SPEG: variants seen among roughly 807,000 people sequenced by gnomAD.
SPEG encodes the protein striated muscle enriched protein kinase.
A neutral mutation model predicts 300.4 loss-of-function variants in SPEG; 114 were observed. The ratio of observed to expected loss-of-function variants is 0.38; its 90% CI spans 0.33 to 0.44. The LOEUF (loss-of-function observed/expected upper bound fraction) is 0.44, where lower values mean the gene tolerates loss of function less well. Ranked by LOEUF, SPEG falls within the 20% of genes least tolerant of loss-of-function variation. The pLI is 1.00. For missense variants in SPEG, 4,201 were observed against 4,586.2 expected (o/e 0.92, Z 2.43); for synonymous variants, 1,964 against 2,018.9 (o/e 0.97, Z 0.73).
chr2:219,477,837 G>C lies in SPEG; in HGVS notation c.4826+52G>C. On this transcript the variant is annotated intron_variant, in intron 21 of 40. Transcript: ENST00000312358. The surrounding 1 kb of genome is among the most constrained non-coding windows in gnomAD (Gnocchi z 6.4). ...GGGGCCGAGAGAGGCTGCTGGGTCTGAGGGTTGGGAGGGGTGGAGAGGGCC... is the reference window on the plus strand; with the variant it reads ...GGGGCCGAGAGAGGCTGCTGGGTCTCAGGGTTGGGAGGGGTGGAGAGGGCC... 1 of 1,596,206 alleles carries C rather than the reference G, an allele frequency of 6.3e-7. No individual in the cohort carries two copies. Among genetic ancestry groups the C allele is most frequent in the Non-Finnish European group, 8.6e-7 (1 of 1,166,716 alleles).
In SPEG at chr2:219,451,643, G is replaced by A. The variant is rs763696475; in HGVS notation, c.2276G>A (p.Gly759Glu). The A allele has an allele frequency of 2.5e-6, 4 of 1,581,610 alleles. No homozygotes were observed. Among genetic ancestry groups the A allele is most frequent in the Middle Eastern group, 1.7e-4 (1 of 5,854 alleles). Residue 759 changes from glycine to glutamate, a missense_variant, in exon 6 of 41, where the codon GGG becomes GAG. Physicochemically the swap from Gly to Glu is moderately conservative, Grantham distance 98 (BLOSUM62 -2). This residue lies in a region of SPEG where 1,258 missense variants were observed against 1,293.9 expected (regional missense o/e 0.97). Transcript: ENST00000312358. This position sits in a 1 kb window ranked among gnomAD's most constrained non-coding sequence, Gnocchi z 6.4. ...CCCACAGTGTCCTGGCACAAGGATG[G>A]GTCAGCGCTGCGCAGCGAGGGCCGC... The part of the protein sequence containing the change: ...PPPQVSWHKD[G>E]SALRSEGRLL...
rs535811377 is a variant in SPEG at position 219,465,955 on chromosome 2, G to T, written c.2882-1219G>T. 1.9e-5 allele frequency: 19 copies of T among 983,258 alleles called. No homozygotes were observed. The East Asian group carries it at 4.6e-4, about 24-fold the overall frequency. The allele number at this position is 983,258 out of a possible 1,614,324, so 60.9% of individuals were successfully genotyped here. A position where few individuals can be genotyped will look rare whatever the true frequency, so the allele number is the denominator to read the frequency against. ...TGTGCGTGCACGTGTGCGTGCATGT[G>T]TGCGTGTGCATGCGTGTGTGTGCAT... On this transcript the variant is annotated intron_variant, in intron 9 of 40. Coordinates refer to ENST00000312358, the MANE Select transcript of SPEG (RefSeq NM_005876.5).
intron 38 of SPEG, 75 bp from the exon 39 acceptor site, chr2:219,491,719 C>A (rs1693988625): frequency 6.0e-6 from 7 of 1,164,052 alleles, no homozygotes; most frequent in Non-Finnish European, 8.8e-6. Flanking sequence ...GCTGCTCAAG[C>A]ACCCAGGGAC....
Position 219,473,499 on chromosome 2 carries a change from C to G in SPEG, c.4148-5C>G, listed in dbSNP as rs747861120. The G allele has an allele frequency of 1.2e-6, 2 of 1,613,784 alleles. No homozygotes were observed. Among genetic ancestry groups the G allele is most frequent in the South Asian group, 2.2e-5 (2 of 91,054 alleles). On this transcript the variant is annotated splice_polypyrimidine_tract_variant and splice_region_variant and intron_variant, in intron 16 of 40. Coordinates refer to ENST00000312358, the MANE Select transcript of SPEG (RefSeq NM_005876.5). The surrounding 1 kb of genome is among the most constrained non-coding windows in gnomAD (Gnocchi z 4.6). ...AGCACAGAGCCTGCGCTCTCCTCCT[C>G]CCAGGCCCAACCCTGGAGGAGGCCC...
intron 29 of SPEG, 31 bp from the exon 30 acceptor site, chr2:219,483,067 C>A (rs766468722): frequency 2.5e-6 from 4 of 1,586,250 alleles, no homozygotes; most frequent in Non-Finnish European, 2.6e-6. Flanking sequence ...CCAGGGGTCC[C>A]TCAGGTCTGA....
rs200200624 is a variant in SPEG at position 219,490,936 on chromosome 2, C to T, written c.9365C>T (p.Thr3122Met). Residue 3122 changes from threonine to methionine, a missense_variant, in exon 38 of 41, where the codon ACG becomes ATG. By Grantham distance (81) the Thr-to-Met change is moderately conservative. Coordinates refer to ENST00000312358, the MANE Select transcript of SPEG (RefSeq NM_005876.5). The stretch of plus-strand genomic sequence containing the variant: ...GCCCTTAGGCCCCTTGGCCACCGCA[C>T]GGGCACGCTGGAGTTCATGGGTGAG... ...PQALRPLGHR[T>M]GTLEFMAPEM... 71 of 1,612,868 alleles carry T rather than the reference C, an allele frequency of 4.4e-5. No homozygotes were observed. Among genetic ancestry groups the T allele is most frequent in the East Asian group, 1.8e-4 (8 of 44,900 alleles).
Position 219,473,856 on chromosome 2 carries a change from G to A in SPEG, c.4400G>A (p.Arg1467Gln), listed in dbSNP as rs181222936. Reference protein sequence around the residue: ...RDMGALTCTARNRHGTQTCSV... With the variant: ...RDMGALTCTAQNRHGTQTCSV... ...ATGGGGGCCCTCACCTGCACCGCCC[G>A]AAACCGTCACGGCACACAGACCTGC... Residue 1467 changes from arginine to glutamine, a missense_variant, in exon 18 of 41, where the codon CGA (arginine) becomes CAA (glutamine). Physicochemically the swap from Arg to Gln is conservative, Grantham distance 43. Around this residue, in one of 4 missense-constraint regions of SPEG, gnomAD observed 1,047 missense variants for 1,356.8 expected, o/e 0.77. Coordinates refer to ENST00000312358, the MANE Select transcript of SPEG (RefSeq NM_005876.5). This position sits in a 1 kb window ranked among gnomAD's most constrained non-coding sequence, Gnocchi z 4.6. 310 of 1,613,570 alleles carry A rather than the reference G, an allele frequency of 1.9e-4. 2 individuals carry two copies. The African/African-American group carries it at 3.8e-3, about 20-fold the overall frequency.
intron 34 of SPEG, 57 bp from the exon 35 acceptor site, chr2:219,488,997 G>A (rs988469187): frequency 5.0e-6 from 8 of 1,607,336 alleles, no homozygotes; most frequent in East Asian, 4.5e-5. Flanking sequence ...AGATAGCACC[G>A]TGGGAGCTGG....
At chr2:219,440,243 T>C (rs2125209319) in intron 1 of SPEG, among the ~76,000 whole-genome samples, 1 of 151,632 alleles carries the variant, frequency 6.6e-6, no homozygotes, top group Middle Eastern at 3.4e-3. Context: ...AAAAATTAGC[T>C]GGGCATGATG....
intron 39 of SPEG, 67 bp from the exon 40 acceptor site, chr2:219,492,044 A>C: frequency 6.5e-7 from 1 of 1,536,322 alleles, no homozygotes; most frequent in Non-Finnish European, 8.9e-7. Flanking sequence ...CCTGACACTA[A>C]TGTCCTTCTG....
intron 9 of SPEG, chr2:219,465,979 A>ATG (rs943030941): frequency 2.6e-5 from 32 of 1,244,724 alleles, no homozygotes; most frequent in African/African-American, 2.9e-5. Context: ...GTGTGTGTGC[A>ATG]TGTGTGTGTG....
Position 219,483,287 on chromosome 2 carries a change from G to T in SPEG, c.5824G>T (p.Glu1942Ter). Residue 1942 changes from glutamate to a stop codon, truncating the protein, a stop_gained, in exon 30 of 41, where the codon GAG becomes TAG. Coordinates refer to ENST00000312358, the MANE Select transcript of SPEG (RefSeq NM_005876.5). LOFTEE classifies it high-confidence loss of function. ...CTCAGTGCCCCGCCCACTGCAGCCCGAGTTCTCTGGCTCCCGGGTGTCCCT... is the reference window on the plus strand; with the variant it reads ...CTCAGTGCCCCGCCCACTGCAGCCCTAGTTCTCTGGCTCCCGGGTGTCCCT... ...LPSVPRPLQPEFSGSRVSLTD... is the reference protein window; with the variant it reads ...LPSVPRPLQP 6.2e-7 allele frequency: 1 copy of T among 1,606,858 alleles called. No individual in the cohort carries two copies. Among genetic ancestry groups the T allele is most frequent in the Non-Finnish European group, 8.5e-7 (1 of 1,176,776 alleles).
Position 219,481,226 on chromosome 2 carries a change from G to A in SPEG, c.5370-78G>A. The stretch of plus-strand genomic sequence containing the variant: ...CCTCACAACCCCAGAGCCTCCATCT[G>A]TCCCCAGCCCTGTGCCCCCACTGAC... On this transcript the variant is annotated intron_variant, in intron 26 of 40. Transcript: ENST00000312358. This position sits in a 1 kb window ranked among gnomAD's most constrained non-coding sequence, Gnocchi z 5.4. 1 of 1,479,672 alleles carries A rather than the reference G, an allele frequency of 6.8e-7. No homozygotes were observed. The highest frequency in any genetic ancestry group is 2.3e-5 in the East Asian group (1 of 44,108). 91.7% of individuals were successfully genotyped at this position (1,479,672 alleles called of 1,614,324 possible). A position where few individuals can be genotyped will look rare whatever the true frequency, so the allele number is the denominator to read the frequency against.
chr2:219,490,334 C>G, intron 36 of SPEG, 75 bp from the exon 37 acceptor site: 1 of 1,538,996 alleles, frequency 6.5e-7, no homozygotes, highest in Non-Finnish European at 8.8e-7. Flanking sequence ...CCCTGCTCTC[C>G]TCCGTTAGCC....
At position 219,468,902 on chromosome 2, in the gene SPEG, C is replaced by T. The variant is rs185911101; in HGVS notation, c.3345C>T (p.Asp1115=). The T allele has an allele frequency of 8.5e-5, 137 of 1,613,642 alleles. 1 individual carries two copies. In the African/African-American group the frequency reaches 1.3e-3, roughly 16 times the overall value. Residue 1115 remains aspartate, a synonymous_variant, in exon 12 of 41, where the codon GAC becomes GAT. Coordinates refer to ENST00000312358, the MANE Select transcript of SPEG (RefSeq NM_005876.5). ...EESENLRLRQ[D]GGLHSLHIAH... is the part of the protein sequence containing the mutation. ...GTGAGAACTTGCGGCTGCGGCAGGA[C>T]GGGGGTCTGCACTCACTGCACATTG...
chr2:219,479,611 C>T lies in SPEG; in HGVS notation c.5086-172C>T, dbSNP rs1478765897. On this transcript the variant is annotated intron_variant, in intron 23 of 40. Coordinates refer to ENST00000312358, the MANE Select transcript of SPEG (RefSeq NM_005876.5). The surrounding 1 kb of genome is among the most constrained non-coding windows in gnomAD (Gnocchi z 5.5). ...GCTCCTCCCTATAATTGTGCTGTAC[C>T]CTCCGGTGCATATGGTAGCCTTGGA... Among the ~76,000 whole-genome samples, 3 of 152,154 alleles carry T rather than the reference C, an allele frequency of 2.0e-5. No homozygotes were observed. Among genetic ancestry groups the T allele is most frequent in the Admixed American group, 6.5e-5 (1 of 15,280 alleles).
At chr2:219,485,310 G>A (rs946410203) in intron 30 of SPEG, 36 bp from the exon 31 acceptor site, 2 of 1,590,948 alleles carry the variant, frequency 1.3e-6, no homozygotes, top group African/African-American at 2.7e-5. Context: ...TGCTGGTACT[G>A]ACTGAACAAA....
Position 219,484,803 on chromosome 2 carries a change from G to T in SPEG, c.7340G>T (p.Gly2447Val), listed in dbSNP as rs1286084939. Reference sequence around the variant, plus strand: ...TCGGAGGGCGGGAGCTCGGCGCGGGGCTCCCCGGTGCTGGCGATGCGCAGG... The same window carrying T: ...TCGGAGGGCGGGAGCTCGGCGCGGGTCTCCCCGGTGCTGGCGATGCGCAGG... ...ESSEGGSSAR[G>V]SPVLAMRRRL... Residue 2447 changes from glycine to valine, a missense_variant, in exon 30 of 41, where the codon GGC becomes GTC. Coordinates refer to ENST00000312358, the MANE Select transcript of SPEG (RefSeq NM_005876.5). 6.7e-7 allele frequency: 1 copy of T among 1,482,462 alleles called. No individual in the cohort carries two copies. The highest frequency in any genetic ancestry group is 2.3e-5 in the Admixed American group (1 of 43,234). The allele number at this position is 1,482,462 out of a possible 1,614,324, so 91.8% of individuals were successfully genotyped here. A position where few individuals can be genotyped will look rare whatever the true frequency, so the allele number is the denominator to read the frequency against.
At position 219,484,830 on chromosome 2, in the gene SPEG, G is replaced by T. The variant is rs1278336361; in HGVS notation, c.7367G>T (p.Arg2456Leu). ...TCCCCGGTGCTGGCGATGCGCAGGC[G>T]GCTGAGCTTCACCCTGGAGCGGCTG... ...RGSPVLAMRR[R>L]LSFTLERLSS... The change falls in exon 30 of 41, where the codon CGG (arginine) becomes CTG (leucine). Residue 2456 changes from arginine to leucine, a missense_variant. Arg to Leu is a moderately radical substitution (Grantham distance 102, BLOSUM62 -2). Coordinates refer to ENST00000312358, the MANE Select transcript of SPEG (RefSeq NM_005876.5). 2.7e-6 allele frequency: 4 copies of T among 1,509,148 alleles called. No individual in the cohort carries two copies. Among genetic ancestry groups the T allele is most frequent in the Non-Finnish European group, 3.5e-6 (4 of 1,136,910 alleles). The allele number at this position is 1,509,148 out of a possible 1,614,324, so 93.5% of individuals were successfully genotyped here. A position where few individuals can be genotyped will look rare whatever the true frequency, so the allele number is the denominator to read the frequency against.
Sources: gnomAD v4.1 joint callset for allele counts (sites outside exome capture counted in the v4.1 genomes callset) on GRCh38, gnomAD v4.1.1 for gene constraint, gnomAD v4.1.1 regional missense constraint, Gnocchi (gnomAD v3.1) non-coding constraint, MANE v1.5 for transcripts, NCBI Gene and HGNC (gene_info 2026-07-23, HGNC 2026-07-21) for gene names.